Variants in RSPO3 observed in about 807,000 individuals in gnomAD.
RSPO3 encodes R-spondin 3.
Under a neutral mutation model 36.5 loss-of-function variants are expected in RSPO3, and 17 were observed. The ratio of observed to expected loss-of-function variants is 0.47; its 90% CI spans 0.32 to 0.70. The LOEUF (loss-of-function observed/expected upper bound fraction) is 0.70. Among genes scored for constraint, RSPO3 ranks in the 30% least tolerant of loss-of-function variants. The pLI, the probability that RSPO3 is intolerant of heterozygous loss-of-function variation, is 0.04. For missense variants in RSPO3, 294 were observed against 322.5 expected (o/e 0.91, Z 0.68); for synonymous variants, 108 against 107.0 (o/e 1.01, Z -0.06).
intron 4 of RSPO3, 140 bp from the exon 5 acceptor site, chr6:127,195,683 T>C: frequency 1.7e-6 from 1 of 590,806 alleles, no homozygotes; most frequent in Non-Finnish European, 2.8e-6. Flanking sequence ...TAATAATAGT[T>C]GAATGATTGA....
chr6:127,163,769 T>A (rs922000970), intron 4 of RSPO3, among the ~76,000 whole-genome samples: 3 of 152,112 alleles, frequency 2.0e-5, no homozygotes, highest in Non-Finnish European at 4.4e-5. Context: ...ATGATAGTCC[T>A]TTTTCACCAA....
chr6:127,127,328 G>A (rs1276480423), intron 1 of RSPO3, among the ~76,000 whole-genome samples: 1 of 152,074 alleles, frequency 6.6e-6, no homozygotes, highest in Non-Finnish European at 1.5e-5. Context: ...AACAAAGGCT[G>A]TCATATATGC....
At chr6:127,131,349 C>A (rs1458711916) in intron 1 of RSPO3, among the ~76,000 whole-genome samples, 1 of 152,126 alleles carries the variant, frequency 6.6e-6, no homozygotes, top group Admixed American at 6.6e-5. Flanking sequence ...ATCCCATTGA[C>A]ATTCCAGGAA....
intron 1 of RSPO3, among the ~76,000 whole-genome samples, chr6:127,120,947 G>A (rs911355632): frequency 5.3e-5 from 8 of 152,360 alleles, no homozygotes; most frequent in African/African-American, 1.9e-4. Flanking sequence ...GCGCCTGGCG[G>A]TCCCCGCCTC....
intron 4 of RSPO3, among the ~76,000 whole-genome samples, chr6:127,162,156 A>G (rs1774721506): frequency 6.6e-6 from 1 of 152,182 alleles, no homozygotes; most frequent in African/African-American, 2.4e-5. Flanking sequence ...AGAACCTGGC[A>G]TAGTTTTTAC....
chr6:127,189,649 G>C (rs928423460), intron 4 of RSPO3, among the ~76,000 whole-genome samples: 1 of 152,160 alleles, frequency 6.6e-6, no homozygotes, highest in Non-Finnish European at 1.5e-5. Flanking sequence ...TTCAATCTCA[G>C]TATATTTTAA....
intron 4 of RSPO3, among the ~76,000 whole-genome samples, chr6:127,173,665 GGCTTCTCAGCCTGAAGCAAGCT>G (rs1173245141): frequency 6.6e-6 from 1 of 151,876 alleles, no homozygotes. Flanking sequence ...CACCCCAGGA[GGCTTCTCAGCCTGAAGCAAGCT>G]GTAAGTGGGT....
chr6:127,164,618 TTG>T (rs1333866304), intron 4 of RSPO3, among the ~76,000 whole-genome samples: 1 of 152,038 alleles, frequency 6.6e-6, no homozygotes, highest in Non-Finnish European at 1.5e-5. Context: ...TGGAATTGAA[TTG>T]TGCAGGCTTA....
intron 1 of RSPO3, among the ~76,000 whole-genome samples, chr6:127,140,044 G>T (rs1261144056): frequency 3.3e-5 from 5 of 151,988 alleles, no homozygotes; most frequent in Admixed American, 1.3e-4. Context: ...AGTTCATAGG[G>T]TTTTTACTAC....
chr6:127,165,121 A>T (rs1774796079), intron 4 of RSPO3, among the ~76,000 whole-genome samples: 1 of 152,088 alleles, frequency 6.6e-6, no homozygotes, highest in South Asian at 2.1e-4. Flanking sequence ...CTAAATTCAC[A>T]TGCAGAAAAT....
chr6:127,195,395 T>C (rs1775494416), intron 4 of RSPO3, among the ~76,000 whole-genome samples: 1 of 152,224 alleles, frequency 6.6e-6, no homozygotes, highest in African/African-American at 2.4e-5. Context: ...TCTTGAACTC[T>C]TGGGCTCAAG....
At chr6:127,128,849 C>T (rs772729020) in intron 1 of RSPO3, among the ~76,000 whole-genome samples, 1 of 152,038 alleles carries the variant, frequency 6.6e-6, no homozygotes, top group Admixed American at 6.6e-5. Context: ...AGAATAAGAA[C>T]ACAGCTACTA....
intron 1 of RSPO3, among the ~76,000 whole-genome samples, chr6:127,144,265 A>G (rs1201162278): frequency 1.3e-5 from 2 of 152,142 alleles, no homozygotes; most frequent in East Asian, 3.9e-4. Context: ...GTTTCCATGA[A>G]TTCTGCCCAT....
chr6:127,140,688 G>A (rs1774251523), intron 1 of RSPO3, among the ~76,000 whole-genome samples: 1 of 152,134 alleles, frequency 6.6e-6, no homozygotes, highest in Admixed American at 6.5e-5. Context: ...TAGAAATGCA[G>A]AGGCTACATG....
intron 4 of RSPO3, among the ~76,000 whole-genome samples, chr6:127,157,739 A>AT (rs951940193): frequency 2.6e-5 from 4 of 151,696 alleles, no homozygotes; most frequent in Non-Finnish European, 5.9e-5. Flanking sequence ...TCCTACTTTT[A>AT]TTTTTTTTCA....
chr6:127,122,026 T>C (rs1229038660), intron 1 of RSPO3, among the ~76,000 whole-genome samples: 4 of 152,224 alleles, frequency 2.6e-5, no homozygotes, highest in African/African-American at 9.6e-5. Context: ...CTTGATTTAG[T>C]AGGAAACTTT....
At chr6:127,140,401 TA>T (rs1248378834) in intron 1 of RSPO3, among the ~76,000 whole-genome samples, 3 of 152,082 alleles carry the variant, frequency 2.0e-5, no homozygotes, top group Non-Finnish European at 2.9e-5. Context: ...AAATTACTGC[TA>T]GAGAAAGATG....
At chr6:127,189,163 C>T (rs940462797) in intron 4 of RSPO3, among the ~76,000 whole-genome samples, 1 of 151,972 alleles carries the variant, frequency 6.6e-6, no homozygotes, top group Non-Finnish European at 1.5e-5. Context: ...AACAAACTAT[C>T]CAGGTCATCT....
intron 1 of RSPO3, among the ~76,000 whole-genome samples, chr6:127,129,380 C>T (rs922371275): frequency 3.9e-5 from 6 of 152,020 alleles, no homozygotes; most frequent in African/African-American, 1.4e-4. Context: ...GGGTGGAAGT[C>T]TGGGCTTCCT....
Sources: allele counts gnomAD v4.1 joint callset (sites outside exome capture counted in the v4.1 genomes callset), GRCh38; gene constraint gnomAD v4.1.1; transcripts MANE v1.5; gene names NCBI Gene and HGNC (gene_info 2026-07-23, HGNC 2026-07-21).